The following PDIA5 variants were observed in gnomAD, a reference collection of about 807,000 sequenced individuals.
The protein encoded by PDIA5 is protein disulfide isomerase family A member 5.
Under a neutral mutation model 77.6 loss-of-function variants are expected in PDIA5, and 58 were observed. The observed-to-expected ratio is 0.75, with a 90% CI of 0.61 to 0.93. PDIA5 has a LOEUF of 0.93. Among genes scored for constraint, PDIA5 ranks in the 40% least tolerant of loss-of-function variants. The pLI is 0.00. For missense variants in PDIA5, 630 were observed against 647.7 expected (o/e 0.97, Z 0.30); for synonymous variants, 250 against 252.1 (o/e 0.99, Z 0.08).
chr3:123,080,751 A>T (rs1408917429), intron 1 of PDIA5, among the ~76,000 whole-genome samples: 2 of 152,170 alleles, frequency 1.3e-5, no homozygotes, highest in African/African-American at 4.8e-5. Flanking sequence ...GGCACTCAAG[A>T]TCTATTTGTG....
At chr3:123,159,100 A>T (rs1936090168) in intron 15 of PDIA5, among the ~76,000 whole-genome samples, 1 of 152,262 alleles carries the variant, frequency 6.6e-6, no homozygotes, top group African/African-American at 2.4e-5. Flanking sequence ...CAATAGCTCC[A>T]GGGCATTGTA....
At chr3:123,136,132 C>T (rs1176706587) in intron 11 of PDIA5, among the ~76,000 whole-genome samples, 1 of 151,086 alleles carries the variant, frequency 6.6e-6, no homozygotes, top group Non-Finnish European at 1.5e-5. Flanking sequence ...ATGGAGTCTC[C>T]CTATGTTGCT....
At chr3:123,158,515 A>G (rs73197515) in intron 15 of PDIA5, among the ~76,000 whole-genome samples, 1 of 152,324 alleles carries the variant, frequency 6.6e-6, no homozygotes, top group Non-Finnish European at 1.5e-5. Context: ...TTATGGGCAG[A>G]TGACTGGATG....
intron 8 of PDIA5, among the ~76,000 whole-genome samples, chr3:123,117,355 A>G (rs1935018850): frequency 1.3e-5 from 1 of 76,746 alleles, no homozygotes; most frequent in African/African-American, 4.7e-5. Context: ...CTGCCTTTCT[A>G]CTTTCTGTTT....
At chr3:123,084,704 A>G (rs1242187345) in intron 1 of PDIA5, among the ~76,000 whole-genome samples, 1 of 152,128 alleles carries the variant, frequency 6.6e-6, no homozygotes, top group Non-Finnish European at 1.5e-5. Context: ...GCAGTCTCCC[A>G]GCCCGGAATT....
chr3:123,136,608 G>A (rs962261861), intron 11 of PDIA5, among the ~76,000 whole-genome samples: 9 of 151,826 alleles, frequency 5.9e-5, no homozygotes, highest in African/African-American at 1.5e-4. Context: ...GCATGGTGGT[G>A]CACGCCTGTA....
intron 15 of PDIA5, among the ~76,000 whole-genome samples, chr3:123,158,622 A>AC (rs1936075503): frequency 6.6e-6 from 1 of 151,966 alleles, no homozygotes; most frequent in Non-Finnish European, 1.5e-5. Context: ...CTTGTTCTAG[A>AC]CCCCCATCTG....
Position 123,145,579 on chromosome 3 carries a change from A to T in PDIA5, c.968A>T (p.His323Leu). The T allele has an allele frequency of 6.2e-7, 1 of 1,613,144 alleles. No individual in the cohort carries two copies. The highest frequency in any genetic ancestry group is 1.7e-4 in the Middle Eastern group (1 of 6,060). ...TTTGAGAAGGCAGCAGAAGCCCTCC[A>T]TGGAGAAGCGGATGTAAGCTTCCTT... Reference protein sequence around the residue: ...PEFEKAAEALHGEADSSGVLA... With the variant: ...PEFEKAAEALLGEADSSGVLA... Residue 323 changes from histidine (H) to leucine (L), a missense_variant, in exon 12 of 17, where the codon CAT becomes CTT. By Grantham distance (99) the His-to-Leu change is moderately conservative. Transcript: ENST00000316218.
chr3:123,149,350 A>G (rs759691598), intron 13 of PDIA5, among the ~76,000 whole-genome samples: 2 of 152,230 alleles, frequency 1.3e-5, no homozygotes, highest in Non-Finnish European at 2.9e-5. Flanking sequence ...AAGGGCTCAG[A>G]ATAGAACTGG....
At position 123,092,425 on chromosome 3, in the gene PDIA5, C is replaced by A; in HGVS notation, c.240C>A (p.Ile80=). The change falls in exon 3 of 17, where the codon ATC becomes ATA. Residue 80 remains isoleucine (I), a synonymous_variant. Transcript: ENST00000316218. The part of the protein sequence containing the change: ...VAQAVKGQGT[I]CWVDCGDAES... ...AGGCGGTGAAAGGACAAGGGACCAT[C>A]TGCTGGGTGGACTGTGGGTATGTGC... is the stretch of plus-strand genomic sequence containing the variant. 6.2e-7 allele frequency: 1 copy of A among 1,613,600 alleles called. No individual in the cohort carries two copies.
chr3:123,124,086 C>T lies in PDIA5; in HGVS notation c.630C>T (p.Val210=). The change falls in exon 9 of 17, where the codon GTC becomes GTT. Residue 210 remains valine (V), a synonymous_variant. Coordinates refer to ENST00000316218, the MANE Select transcript of PDIA5 (RefSeq NM_006810.4). The part of the protein sequence containing the change: ...RGHAVLAGMN[V]YSSEFENIKE... ...CCCAGGTGCTGGCCGGGATGAATGT[C>T]TACTCCTCTGAATTTGAAAACATCA... 1 of 1,613,950 alleles carries T rather than the reference C, an allele frequency of 6.2e-7. No individual in the cohort carries two copies. Among genetic ancestry groups the T allele is most frequent in the Non-Finnish European group, 8.5e-7 (1 of 1,179,796 alleles).
chr3:123,134,890 T>C (rs1207331840), intron 11 of PDIA5, among the ~76,000 whole-genome samples: 2 of 152,182 alleles, frequency 1.3e-5, no homozygotes, highest in African/African-American at 2.4e-5. Context: ...GGGGTGTGTC[T>C]GTGGTGCTGC....
At chr3:123,134,003 C>CCTTTT (rs60274109) in intron 11 of PDIA5, among the ~76,000 whole-genome samples, 40 of 148,442 alleles carry the variant, frequency 2.7e-4, no homozygotes, top group African/African-American at 3.7e-4. Flanking sequence ...CTTTTCTTTT[C>CCTTTT]CTTTTCTTTT....
At chr3:123,097,404 G>T (rs1436100124) in intron 3 of PDIA5, among the ~76,000 whole-genome samples, 1 of 152,028 alleles carries the variant, frequency 6.6e-6, no homozygotes, top group East Asian at 1.9e-4. Flanking sequence ...TCTTTTTCCC[G>T]CCACTCTTAC....
intron 14 of PDIA5, among the ~76,000 whole-genome samples, chr3:123,153,771 A>C (rs1407451358): frequency 6.6e-6 from 1 of 152,204 alleles, no homozygotes; most frequent in Non-Finnish European, 1.5e-5. Flanking sequence ...TTCAGATTAA[A>C]CTTGTAGCTT....
chr3:123,072,912 CTGTGTG>C (rs66567660), intron 1 of PDIA5, among the ~76,000 whole-genome samples: 23 of 146,774 alleles, frequency 1.6e-4, no homozygotes, highest in African/African-American at 2.6e-4. Flanking sequence ...ACCTCTCCTT[CTGTGTG>C]TGTGTGTGTG....
chr3:123,142,501 C>T (rs1283636154), intron 11 of PDIA5, among the ~76,000 whole-genome samples: 2 of 152,234 alleles, frequency 1.3e-5, no homozygotes, highest in Non-Finnish European at 2.9e-5. Context: ...CTTGATACCT[C>T]TACAGCTTAT....
rs749010083 is a variant in PDIA5, at chr3:123,146,099, A to C, written c.982A>C (p.Ser328Arg). ...AAEALHGEADSSGVLAAVDAT... is the reference protein window; with the variant it reads ...AAEALHGEADRSGVLAAVDAT... ...ATGGTTGGCCTTTCCCCCATCCCAG[A>C]GCTCTGGTGTCCTTGCAGCTGTCGA... Residue 328 changes from serine (S) to arginine (R), a missense_variant and splice_region_variant, in exon 13 of 17, where the codon AGC becomes CGC. Physicochemically the swap from Ser to Arg is moderately radical, Grantham distance 110. Coordinates refer to ENST00000316218, the MANE Select transcript of PDIA5 (RefSeq NM_006810.4). 25 of 1,613,938 alleles carry C rather than the reference A, an allele frequency of 1.5e-5. No individual in the cohort carries two copies. Among genetic ancestry groups the C allele is most frequent in the Non-Finnish European group, 2.0e-5 (24 of 1,179,974 alleles).
intron 14 of PDIA5, among the ~76,000 whole-genome samples, chr3:123,153,714 G>A (rs986688268): frequency 1.4e-4 from 22 of 152,314 alleles, no homozygotes; most frequent in African/African-American, 4.3e-4. Flanking sequence ...TGCCAGCCAG[G>A]CCATGTGGGT....
Sources: gnomAD v4.1 joint callset for allele counts (sites outside exome capture counted in the v4.1 genomes callset) on GRCh38, gnomAD v4.1.1 for gene constraint, MANE v1.5 for transcripts, NCBI Gene and HGNC (gene_info 2026-07-23, HGNC 2026-07-21) for gene names.